Variants in UHRF2 observed in about 807,000 individuals in gnomAD.
The protein encoded by UHRF2 is E3 ubiquitin-protein ligase UHRF2.
Under a neutral mutation model 96.8 loss-of-function variants are expected in UHRF2, and 23 were observed. The ratio of observed to expected loss-of-function variants is 0.24; its 90% CI spans 0.17 to 0.34. The LOEUF is 0.34. UHRF2 is among the 10% of genes least tolerant of loss of function. The probability of loss-of-function intolerance (pLI) is 1.00; values close to 1 mark genes in which losing one functional copy is unlikely to be tolerated. For missense variants in UHRF2, 685 were observed against 981.5 expected (o/e 0.70, Z 4.04); for synonymous variants, 385 against 332.6 (o/e 1.16, Z -1.72).
intron 4 of UHRF2, among the ~76,000 whole-genome samples, 191 bp from the exon 5 acceptor site, chr9:6,475,200 T>C (rs943225484): frequency 3.3e-5 from 5 of 152,200 alleles, no homozygotes; most frequent in Non-Finnish European, 7.4e-5. Context: ...CATATTACAC[T>C]ATGAATGTTA....
chr9:6,443,559 A>T (rs1445577112), intron 3 of UHRF2, among the ~76,000 whole-genome samples: 2 of 152,038 alleles, frequency 1.3e-5, no homozygotes, highest in Admixed American at 6.5e-5. Context: ...TAAATAACTT[A>T]AAAATTTCTG....
chr9:6,425,273 G>C (rs981560969), intron 2 of UHRF2, among the ~76,000 whole-genome samples: 10 of 152,148 alleles, frequency 6.6e-5, no homozygotes, highest in Non-Finnish European at 1.5e-4. Context: ...TCCACTTTTG[G>C]CCTTTAGAAA....
chr9:6,506,332 G>T lies in UHRF2; in HGVS notation c.*153G>T. 3 of 927,370 alleles carry T rather than the reference G, an allele frequency of 3.2e-6. No individual in the cohort carries two copies. Among genetic ancestry groups the T allele is most frequent in the Non-Finnish European group, 4.7e-6 (3 of 640,622 alleles). The allele number at this position is 927,370 out of a possible 1,614,324, so 57.4% of individuals were successfully genotyped here. A position where few individuals can be genotyped will look rare whatever the true frequency, so the allele number is the denominator to read the frequency against. On this transcript the variant is annotated 3_prime_UTR_variant, in exon 16 of 16. Coordinates refer to ENST00000276893, the MANE Select transcript of UHRF2 (RefSeq NM_152896.3). Reference sequence around the variant, plus strand: ...ACATAGCCATCATCTTGTGTGTGTAGTAAGAGGCCCATTTCTCAACTGTCT... The same window carrying T: ...ACATAGCCATCATCTTGTGTGTGTATTAAGAGGCCCATTTCTCAACTGTCT...
At chr9:6,477,130 G>C (rs553816644) in intron 5 of UHRF2, among the ~76,000 whole-genome samples, 1 of 151,918 alleles carries the variant, frequency 6.6e-6, no homozygotes, top group South Asian at 2.1e-4. Flanking sequence ...CTATTCCGGA[G>C]GCTGAGGCAG....
intron 6 of UHRF2, among the ~76,000 whole-genome samples, chr9:6,480,458 G>T (rs1823856078): frequency 6.6e-6 from 1 of 152,182 alleles, no homozygotes; most frequent in Admixed American, 6.5e-5. Flanking sequence ...GATGACTTTA[G>T]GATGGTATAA....
chr9:6,481,486 T>C (rs192213386), intron 6 of UHRF2, among the ~76,000 whole-genome samples, 157 bp from the exon 7 acceptor site: 332 of 152,324 alleles, frequency 2.2e-3, no homozygotes, highest in African/African-American at 7.3e-3. Context: ...CATGTAAATA[T>C]TTTGAAAAGT....
chr9:6,469,486 T>G (rs4556138), intron 4 of UHRF2, among the ~76,000 whole-genome samples: 1 of 151,250 alleles, frequency 6.6e-6, no homozygotes. Context: ...CCACTGCACT[T>G]CAGCCTGGCG....
At position 6,481,670 on chromosome 9, in the gene UHRF2, C is replaced by T; in HGVS notation, c.1188C>T (p.Ser396=). The T allele has an allele frequency of 1.2e-6, 2 of 1,613,132 alleles. No individual in the cohort carries two copies. The highest frequency in any genetic ancestry group is 1.7e-6 in the Non-Finnish European group (2 of 1,179,598). Residue 396 remains serine, a synonymous_variant, in exon 7 of 16, where the codon TCC becomes TCT. Coordinates refer to ENST00000276893, the MANE Select transcript of UHRF2 (RefSeq NM_152896.3). The part of the protein sequence containing the change: ...YWYCPSCKTD[S]SEVVKAGERL... ...ATTGTCCTTCTTGTAAAACTGATTCCAGTGAAGTTGTAAAGGCTGGTGAAA... is the reference window on the plus strand; with the variant it reads ...ATTGTCCTTCTTGTAAAACTGATTCTAGTGAAGTTGTAAAGGCTGGTGAAA...
Position 6,437,796 on chromosome 9 carries a change from T to C in UHRF2, c.644+3623T>C, listed in dbSNP as rs138187099. Among the ~76,000 whole-genome samples, 547 of 152,216 alleles carry C rather than the reference T, an allele frequency of 3.6e-3. 4 individuals carry two copies. Among genetic ancestry groups the C allele is most frequent in the African/African-American group, 0.012 (516 of 41,534 alleles). On this transcript the variant is annotated intron_variant, in intron 3 of 15. Transcript: ENST00000276893. ...CCACACCTGGCTAATGTTTGTATTT[T>C]TAGTTGAGACTGGGTTTCACCACGT...
chr9:6,434,312 G>C, intron 3 of UHRF2, 139 bp downstream of exon 3: 1 of 1,056,544 alleles, frequency 9.5e-7, no homozygotes, highest in Non-Finnish European at 1.3e-6. Context: ...TTTGGTTTTG[G>C]TGGTTGTACT....
At chr9:6,439,484 C>T (rs796371616) in intron 3 of UHRF2, among the ~76,000 whole-genome samples, 14 of 152,312 alleles carry the variant, frequency 9.2e-5, no homozygotes, top group Admixed American at 2.6e-4. Flanking sequence ...GATTGTCAGC[C>T]TTAAGGCCTA....
At chr9:6,488,525 TTC>T (rs1253158846) in intron 9 of UHRF2, among the ~76,000 whole-genome samples, 2 of 149,050 alleles carry the variant, frequency 1.3e-5, no homozygotes, top group Non-Finnish European at 3.0e-5. Context: ...CACTAATCTT[TTC>T]TCTTTTTCTT....
At chr9:6,480,716 A>G (rs1486486854) in intron 6 of UHRF2, among the ~76,000 whole-genome samples, 4 of 152,148 alleles carry the variant, frequency 2.6e-5, no homozygotes, top group African/African-American at 4.8e-5. Flanking sequence ...AGGACAGTTT[A>G]TTTTTGGAAG....
intron 3 of UHRF2, among the ~76,000 whole-genome samples, chr9:6,434,540 G>T (rs1820725672): frequency 2.6e-5 from 4 of 152,228 alleles, no homozygotes; most frequent in Admixed American, 2.6e-4. Flanking sequence ...CTGGGTTTAA[G>T]TGATTCTCCT....
At chr9:6,488,070 G>T (rs1824415186) in intron 9 of UHRF2, among the ~76,000 whole-genome samples, 2 of 150,916 alleles carry the variant, frequency 1.3e-5, no homozygotes, top group Admixed American at 1.3e-4. Flanking sequence ...GCAAAGCCCT[G>T]TCCCTACCAA....
At chr9:6,460,884 A>T (rs748560776) in intron 4 of UHRF2, 93 bp downstream of exon 4, 3 of 999,422 alleles carry the variant, frequency 3.0e-6, no homozygotes, top group African/African-American at 1.6e-5. Context: ...GTAAAAAAAG[A>T]TGGAGTCTAT....
chr9:6,436,744 A>C (rs114398805), intron 3 of UHRF2, among the ~76,000 whole-genome samples: 2 of 152,242 alleles, frequency 1.3e-5, no homozygotes, highest in South Asian at 2.1e-4. Flanking sequence ...CACAAAACAC[A>C]GTACCTTAGC....
At chr9:6,426,117 A>G (rs1196622618) in intron 2 of UHRF2, among the ~76,000 whole-genome samples, 1 of 152,204 alleles carries the variant, frequency 6.6e-6, no homozygotes. Flanking sequence ...CAAACTTCTC[A>G]ATACTCCACT....
chr9:6,464,435 T>A lies in UHRF2; in HGVS notation c.863+3644T>A, dbSNP rs543297519. On this transcript the variant is annotated intron_variant, in intron 4 of 15. Transcript: ENST00000276893. ...AGTAGTTTTCTTAATTTTAATGCAG[T>A]TGAGGTTATCAAAGTTCAAGAAAGT... 2.8e-4 allele frequency among the ~76,000 whole-genome samples: 43 copies of A among 152,204 alleles called. 1 individual carries two copies. The highest frequency in any genetic ancestry group is 8.8e-5 in the Non-Finnish European group (6 of 68,030).
Sources: allele counts gnomAD v4.1 joint callset (sites outside exome capture counted in the v4.1 genomes callset), GRCh38; gene constraint gnomAD v4.1.1; transcripts MANE v1.5; gene names NCBI Gene and HGNC (gene_info 2026-07-23, HGNC 2026-07-21).